The following SLC30A6 variants were observed in gnomAD, a reference collection of about 807,000 sequenced individuals.
The protein encoded by SLC30A6 is solute carrier family 30 member 6.
Under a neutral mutation model 63.0 loss-of-function variants are expected in SLC30A6, and 55 were observed. That is an observed-to-expected ratio of 0.87 (90% CI 0.70 to 1.09). The LOEUF (loss-of-function observed/expected upper bound fraction) is 1.09, where lower values mean the gene tolerates loss of function less well. Ranked by LOEUF, SLC30A6 falls within the 50% of genes least tolerant of loss-of-function variation. The pLI is 0.00. For missense variants in SLC30A6, 587 were observed against 549.2 expected, an observed-to-expected ratio of 1.07 and a Z score of -0.69; for synonymous variants, 224 against 186.1, an observed-to-expected ratio of 1.20 and a Z score of -1.66.
In SLC30A6 at chr2:32,180,080, G is replaced by C. The variant is rs543504200; in HGVS notation, c.219-4193G>C. On this transcript the variant is annotated intron_variant, in intron 4 of 13. Transcript: ENST00000282587. ...GAGGCTGCAGAGAGCTATGATCTTAGCACTGTACTCCAGCCTCAGTGACAG... is the reference window on the plus strand; with the variant it reads ...GAGGCTGCAGAGAGCTATGATCTTACCACTGTACTCCAGCCTCAGTGACAG... 3.3e-5 allele frequency among the ~76,000 whole-genome samples: 5 copies of C among 152,016 alleles called. No individual in the cohort carries two copies. In the East Asian group the frequency reaches 9.7e-4, roughly 29 times the overall value.
intron 10 of SLC30A6, among the ~76,000 whole-genome samples, chr2:32,198,645 A>C (rs929637485): frequency 2.6e-5 from 4 of 152,150 alleles, no homozygotes; most frequent in African/African-American, 9.7e-5. Flanking sequence ...GTGCAATGGC[A>C]TGATCTCAGC....
At chr2:32,188,875 C>G (rs575349708) in intron 5 of SLC30A6, among the ~76,000 whole-genome samples, 1 of 152,280 alleles carries the variant, frequency 6.6e-6, no homozygotes, top group South Asian at 2.1e-4. Context: ...AACTGGTAAT[C>G]TGACCTCTAA....
chr2:32,206,382 C>A (rs903002212), intron 11 of SLC30A6, among the ~76,000 whole-genome samples: 1 of 151,550 alleles, frequency 6.6e-6, no homozygotes. Flanking sequence ...GGAGGCGGAG[C>A]TTGCAGTGAG....
intron 10 of SLC30A6, chr2:32,203,120 A>C: frequency 1.6e-5 from 21 of 1,304,528 alleles, no homozygotes; most frequent in Non-Finnish European, 2.3e-5. Flanking sequence ...GTAGTTTTAA[A>C]GTTTTGGTGG....
chr2:32,177,762 G>C (rs766057466), intron 4 of SLC30A6, among the ~76,000 whole-genome samples: 25 of 151,824 alleles, frequency 1.6e-4, no homozygotes, highest in Non-Finnish European at 3.4e-4. Flanking sequence ...CCAAAGTGCT[G>C]GGATTACAGG....
rs989181114 is a variant in SLC30A6 at position 32,221,515 on chromosome 2, A to C, written c.*802A>C. The C allele has an allele frequency of 6.6e-6, 1 of 152,190 alleles. No individual in the cohort carries two copies. Among genetic ancestry groups the C allele is most frequent in the Admixed American group, 6.6e-5 (1 of 15,262 alleles). 9.4% of individuals were successfully genotyped at this position (152,190 alleles called of 1,614,324 possible). ...TTCTTGAATAATACACATTTTGGGA[A>C]AGGGAAAAATGTCTGTTCAAAAAGT... is the stretch of plus-strand genomic sequence containing the variant. On this transcript the variant is annotated 3_prime_UTR_variant, in exon 14 of 14. Coordinates refer to ENST00000282587, the MANE Select transcript of SLC30A6 (RefSeq NM_017964.5).
intron 13 of SLC30A6, among the ~76,000 whole-genome samples, chr2:32,210,601 A>T (rs1201053194): frequency 6.6e-6 from 1 of 151,680 alleles, no homozygotes; most frequent in African/African-American, 2.4e-5. Context: ...ATTTATCATG[A>T]ACAGTTTTCT....
At position 32,192,344 on chromosome 2, in the gene SLC30A6, G is replaced by A. The variant is rs1683401454; in HGVS notation, c.293G>A (p.Arg98Lys). The A allele has an allele frequency of 6.2e-7, 1 of 1,613,986 alleles. No individual in the cohort carries two copies. The highest frequency in any genetic ancestry group is 8.5e-7 in the Non-Finnish European group (1 of 1,179,912). Residue 98 changes from arginine to lysine, a missense_variant, in exon 6 of 14, where the codon AGA becomes AAA. Coordinates refer to ENST00000282587, the MANE Select transcript of SLC30A6 (RefSeq NM_017964.5). ...PSPVYSFGFE[R>K]LEVLAVFAST... Reference sequence around the variant, plus strand: ...TAATGTTTTGGTTTCAGGTTTGAAAGATTAGAAGTCCTGGCTGTATTTGCC... The same window carrying A: ...TAATGTTTTGGTTTCAGGTTTGAAAAATTAGAAGTCCTGGCTGTATTTGCC...
At chr2:32,186,382 A>G (rs916375081) in intron 5 of SLC30A6, among the ~76,000 whole-genome samples, 5 of 152,218 alleles carry the variant, frequency 3.3e-5, no homozygotes, top group African/African-American at 1.2e-4. Context: ...ACTGCAAGTG[A>G]CAGAAATCTA....
intron 1 of SLC30A6, among the ~76,000 whole-genome samples, chr2:32,167,364 C>G (rs918326273): frequency 6.0e-5 from 9 of 150,294 alleles, no homozygotes; most frequent in Non-Finnish European, 1.2e-4. Context: ...CGTGAGCCAC[C>G]GTGCCAGGCC....
intron 5 of SLC30A6, among the ~76,000 whole-genome samples, chr2:32,184,874 T>A (rs1395156788): frequency 1.8e-4 from 28 of 152,244 alleles, no homozygotes; most frequent in Admixed American, 1.8e-3. Flanking sequence ...GCAAATATTT[T>A]AAAAAGTTCA....
chr2:32,176,215 G>C (rs1414097583), intron 4 of SLC30A6, among the ~76,000 whole-genome samples: 2 of 152,104 alleles, frequency 1.3e-5, no homozygotes, highest in African/African-American at 4.8e-5. Context: ...CTTATGAAAA[G>C]TTGCTTATCT....
chr2:32,185,258 A>G (rs1440087152), intron 5 of SLC30A6, among the ~76,000 whole-genome samples: 1 of 152,022 alleles, frequency 6.6e-6, no homozygotes, highest in African/African-American at 2.4e-5. Context: ...CTGCTTGGGA[A>G]GCTGAGGTGG....
chr2:32,166,296 C>T (rs1290460558), intron 1 of SLC30A6, among the ~76,000 whole-genome samples: 3 of 135,586 alleles, frequency 2.2e-5, no homozygotes, highest in African/African-American at 5.4e-5. Flanking sequence ...GTGGCGATAA[C>T]GCCAGCGGAA....
chr2:32,221,029 G>C lies in SLC30A6; in HGVS notation c.*316G>C, dbSNP rs145402039. The C allele has an allele frequency of 4.5e-4, 120 of 268,398 alleles. No homozygotes were observed. The East Asian group carries it at 9.9e-3, about 22-fold the overall frequency. The allele number at this position is 268,398 out of a possible 1,614,324, so 16.6% of individuals were successfully genotyped here. On this transcript the variant is annotated 3_prime_UTR_variant, in exon 14 of 14. Transcript: ENST00000282587. ...ACCTTTATAAGAGCCACTTGATGGA[G>C]TAGATCTGTCACATTACTAAGATAC...
chr2:32,179,924 A>G (rs1237102902), intron 4 of SLC30A6, among the ~76,000 whole-genome samples: 1 of 152,214 alleles, frequency 6.6e-6, no homozygotes, highest in Non-Finnish European at 1.5e-5. Context: ...TTTTATTTAT[A>G]TAAATAAAAC....
At chr2:32,208,285 C>A (rs1429435963) in intron 12 of SLC30A6, among the ~76,000 whole-genome samples, 1 of 151,544 alleles carries the variant, frequency 6.6e-6, no homozygotes, top group African/African-American at 2.4e-5. Flanking sequence ...CTCCCACCAC[C>A]ATGCCTGGCT....
At chr2:32,168,879 G>A (rs1191863528) in intron 1 of SLC30A6, among the ~76,000 whole-genome samples, 6 of 152,144 alleles carry the variant, frequency 3.9e-5, no homozygotes, top group Non-Finnish European at 7.3e-5. Context: ...GATAGCAATG[G>A]CGAGCCAATA....
chr2:32,195,710 T>G (rs957227570), intron 8 of SLC30A6, among the ~76,000 whole-genome samples: 4 of 150,150 alleles, frequency 2.7e-5, no homozygotes, highest in South Asian at 2.1e-4. Flanking sequence ...TTTATTTATT[T>G]ATTTATTTTT....
Sources: gnomAD v4.1 joint callset for allele counts (sites outside exome capture counted in the v4.1 genomes callset) on GRCh38, gnomAD v4.1.1 for gene constraint, MANE v1.5 for transcripts, NCBI Gene and HGNC (gene_info 2026-07-23, HGNC 2026-07-21) for gene names.